Variants in WDR70 observed in about 807,000 individuals in gnomAD.
The protein encoded by WDR70 is WD repeat domain 70.
WDR70 carries 53 observed loss-of-function variants against 88.6 expected under a neutral mutation model. The ratio of observed to expected loss-of-function variants is 0.60; its 90% CI spans 0.48 to 0.75. The LOEUF (loss-of-function observed/expected upper bound fraction) is 0.75, where lower values mean the gene tolerates loss of function less well. Among genes scored for constraint, WDR70 ranks in the 30% least tolerant of loss-of-function variants. The pLI, the probability that WDR70 is intolerant of heterozygous loss-of-function variation, is 0.00. For synonymous variants in WDR70, 280 were observed against 270.0 expected (o/e 1.04, Z -0.36); for missense variants, 610 against 823.2 (o/e 0.74, Z 3.17).
At position 37,516,883 on chromosome 5, in the gene WDR70, C is replaced by T. The variant is rs867633594; in HGVS notation, c.917+293C>T. On this transcript the variant is annotated intron_variant, in intron 9 of 17. Transcript: ENST00000265107. The stretch of plus-strand genomic sequence containing the variant: ...ATTACAGATGCCCCACCACCACACC[C>T]GGCTAATTTTTGTATTTTAGTAGAG... Among the ~76,000 whole-genome samples, 58 of 151,450 alleles carry T rather than the reference C, an allele frequency of 3.8e-4. 1 individual carries two copies. The highest frequency in any genetic ancestry group is 1.2e-4 in the Non-Finnish European group (8 of 67,782).
intron 7 of WDR70, among the ~76,000 whole-genome samples, chr5:37,467,599 C>T (rs896671822): frequency 6.6e-6 from 1 of 151,110 alleles, no homozygotes; most frequent in African/African-American, 2.4e-5. Flanking sequence ...TGCAGTGGCA[C>T]AATCTTGGCT....
chr5:37,682,564 T>G (rs755107146), intron 10 of WDR70, among the ~76,000 whole-genome samples: 29 of 152,164 alleles, frequency 1.9e-4, no homozygotes, highest in Admixed American at 1.3e-3. Context: ...TGTGGGTGTT[T>G]AGCGCTATAA....
chr5:37,476,212 C>A (rs150835448), intron 7 of WDR70, among the ~76,000 whole-genome samples: 1 of 152,180 alleles, frequency 6.6e-6, no homozygotes, highest in East Asian at 1.9e-4. Flanking sequence ...TTGTCTTTTA[C>A]TATTCTTTTA....
intron 3 of WDR70, among the ~76,000 whole-genome samples, chr5:37,387,014 G>A (rs75097030): frequency 0.17 from 25,445 of 151,704 alleles, 2,185 homozygotes; most frequent in South Asian, 0.2. Context: ...CAGGAGAATC[G>A]CTTGAACCTG....
At chr5:37,628,499 G>A (rs914400836) in intron 10 of WDR70, among the ~76,000 whole-genome samples, 4 of 151,940 alleles carry the variant, frequency 2.6e-5, no homozygotes, top group African/African-American at 9.7e-5. Context: ...CTTTTAACTT[G>A]AAGTCTATTT....
At chr5:37,662,623 G>C (rs1404719602) in intron 10 of WDR70, among the ~76,000 whole-genome samples, 5 of 152,120 alleles carry the variant, frequency 3.3e-5, no homozygotes, top group Non-Finnish European at 5.9e-5. Context: ...TGGAAATGAG[G>C]GGTGTTAGAT....
intron 5 of WDR70, among the ~76,000 whole-genome samples, chr5:37,415,337 CT>C (rs1431708146): frequency 7.4e-5 from 11 of 149,476 alleles, no homozygotes; most frequent in South Asian, 4.3e-4. Context: ...AGAGGGGCTC[CT>C]CACTTCCCAG....
intron 8 of WDR70, among the ~76,000 whole-genome samples, chr5:37,482,286 C>T (rs1038987296): frequency 1.2e-4 from 19 of 152,204 alleles, no homozygotes; most frequent in African/African-American, 4.6e-4. Context: ...TTAGTCTGTT[C>T]TCACACTGCA....
chr5:37,529,197 A>C (rs1741405488), intron 9 of WDR70, among the ~76,000 whole-genome samples: 1 of 152,100 alleles, frequency 6.6e-6, no homozygotes, highest in Non-Finnish European at 1.5e-5. Flanking sequence ...TTTTTATACC[A>C]ATATCACACT....
intron 9 of WDR70, among the ~76,000 whole-genome samples, chr5:37,536,843 T>C (rs1243872160): frequency 6.6e-6 from 1 of 152,046 alleles, no homozygotes; most frequent in Non-Finnish European, 1.5e-5. Context: ...ACAAGAAAAT[T>C]TTTTTTTCCT....
intron 10 of WDR70, among the ~76,000 whole-genome samples, chr5:37,635,338 A>G (rs1164094706): frequency 2.0e-5 from 3 of 152,158 alleles, no homozygotes. Context: ...GCACTGTACT[A>G]ACTTTTGTGC....
At chr5:37,646,398 G>A (rs1745241184) in intron 10 of WDR70, among the ~76,000 whole-genome samples, 1 of 151,950 alleles carries the variant, frequency 6.6e-6, no homozygotes, top group African/African-American at 2.4e-5. Context: ...TACCACAATT[G>A]CAGTGTTTTA....
At chr5:37,481,647 CTGCTGTGAGGGTCTCTAACA>C (rs1367059089) in intron 8 of WDR70, among the ~76,000 whole-genome samples, 1 of 152,124 alleles carries the variant, frequency 6.6e-6, no homozygotes, top group Non-Finnish European at 1.5e-5. Flanking sequence ...ATGGGAGGGT[CTGCTGTGAGGGTCTCTAACA>C]TGCCCTGGAG....
chr5:37,604,427 TGTG>T (rs951984019), intron 9 of WDR70, among the ~76,000 whole-genome samples: 22 of 152,208 alleles, frequency 1.4e-4, no homozygotes, highest in African/African-American at 3.4e-4. Context: ...CTCTGGGTCT[TGTG>T]GTGTTTGTTC....
chr5:37,693,107 T>A (rs1746860816), intron 10 of WDR70, among the ~76,000 whole-genome samples: 1 of 152,170 alleles, frequency 6.6e-6, no homozygotes, highest in Admixed American at 6.5e-5. Context: ...GAACTCCCAT[T>A]CACAATTGCT....
intron 9 of WDR70, among the ~76,000 whole-genome samples, chr5:37,597,702 A>G (rs569011119): frequency 6.8e-4 from 103 of 152,114 alleles, no homozygotes; most frequent in Non-Finnish European, 1.1e-3. Context: ...TCTCCTTTTC[A>G]CTATGCAGGC....
chr5:37,745,617 G>A (rs773335205), intron 17 of WDR70, among the ~76,000 whole-genome samples: 17 of 151,736 alleles, frequency 1.1e-4, no homozygotes, highest in Non-Finnish European at 8.8e-5. Flanking sequence ...AAAAAAAATG[G>A]GAGTTGCAAT....
At chr5:37,582,868 G>C (rs1366329694) in intron 9 of WDR70, among the ~76,000 whole-genome samples, 2 of 152,230 alleles carry the variant, frequency 1.3e-5, no homozygotes, top group Non-Finnish European at 2.9e-5. Flanking sequence ...AGCATGGGCT[G>C]TCCTTGTGCG....
intron 10 of WDR70, among the ~76,000 whole-genome samples, chr5:37,676,877 G>GT (rs1468974859): frequency 6.6e-6 from 1 of 152,148 alleles, no homozygotes; most frequent in Non-Finnish European, 1.5e-5. Context: ...ACTCTTTTTG[G>GT]TTGGTAAGCT....
Sources: allele counts gnomAD v4.1 joint callset (sites outside exome capture counted in the v4.1 genomes callset), GRCh38; gene constraint gnomAD v4.1.1; transcripts MANE v1.5; gene names NCBI Gene and HGNC (gene_info 2026-07-23, HGNC 2026-07-21).